The following DHRSX variants were observed in gnomAD, a reference collection of about 807,000 sequenced individuals.
DHRSX encodes the protein polyprenol dehydrogenase.
Under a neutral mutation model 34.0 loss-of-function variants are expected in DHRSX, and 31 were observed. The observed-to-expected ratio is 0.91, with a 90% CI of 0.69 to 1.23. The LOEUF is 1.23. Among genes scored for constraint, DHRSX ranks in the 50% most tolerant of loss-of-function variants. The probability of loss-of-function intolerance (pLI) is 0.00; values close to 1 mark genes in which losing one functional copy is unlikely to be tolerated. For synonymous variants in DHRSX, 201 were observed against 183.8 expected, an observed-to-expected ratio of 1.09 and a Z score of -0.76; for missense variants, 414 against 428.1, an observed-to-expected ratio of 0.97 and a Z score of 0.29.
chrX:2,313,790 C>T (rs2042192915), intron 3 of DHRSX, among the ~76,000 whole-genome samples: 1 of 152,070 alleles, frequency 6.6e-6, no homozygotes, highest in Non-Finnish European at 1.5e-5. Context: ...AGAACATGTA[C>T]CCCAGGTGGT....
chrX:2,453,492 C>T (rs1326602503), intron 1 of DHRSX, among the ~76,000 whole-genome samples: 1 of 151,484 alleles, frequency 6.6e-6, no homozygotes. Flanking sequence ...AGCAACATAG[C>T]AAGACACCAT....
At chrX:2,435,979 G>C (rs1388498630) in intron 1 of DHRSX, among the ~76,000 whole-genome samples, 2 of 152,146 alleles carry the variant, frequency 1.3e-5, no homozygotes, top group Non-Finnish European at 2.9e-5. Context: ...CGGATCACGA[G>C]GTCAGGAGTT....
At chrX:2,347,210 G>A (rs866289739) in intron 3 of DHRSX, among the ~76,000 whole-genome samples, 1 of 152,194 alleles carries the variant, frequency 6.6e-6, no homozygotes, top group Non-Finnish European at 1.5e-5. Flanking sequence ...ATGGTGGAAA[G>A]CAAAAGGTGA....
At chrX:2,225,498 A>T (rs2015637543) in intron 6 of DHRSX, among the ~76,000 whole-genome samples, 1 of 152,218 alleles carries the variant, frequency 6.6e-6, no homozygotes, top group African/African-American at 2.4e-5. Context: ...ACATGCACAG[A>T]TTATTTATCC....
At chrX:2,227,678 GA>G (rs1231075392) in intron 6 of DHRSX, among the ~76,000 whole-genome samples, 8 of 46,862 alleles carry the variant, frequency 1.7e-4, no homozygotes, top group Admixed American at 5.8e-4. Context: ...GAGACAGAAA[GA>G]AAAAAAAAGA....
intron 1 of DHRSX, among the ~76,000 whole-genome samples, chrX:2,482,888 T>C (rs1306087413): frequency 6.6e-6 from 1 of 152,096 alleles, no homozygotes; most frequent in Non-Finnish European, 1.5e-5. Context: ...CATCAAAACA[T>C]CTGCACCCAC....
In DHRSX at chrX:2,396,133, A is replaced by G. The variant is rs780632031; in HGVS notation, c.286+12612T>C. 5.9e-5 allele frequency among the ~76,000 whole-genome samples: 9 copies of G among 151,802 alleles called. No homozygotes were observed. In the East Asian group the frequency reaches 1.4e-3, roughly 23 times the overall value. On this transcript the variant is annotated intron_variant, in intron 3 of 6. Coordinates refer to ENST00000334651, the MANE Select transcript of DHRSX (RefSeq NM_145177.3). ...TCCAGTCTCTGCCTCTGTCTCCACA[A>G]GGCCTTCTCCTCTGTGTCTGTGTCT...
Position 2,306,463 on chromosome X carries a change from C to CTT in DHRSX, c.287-14862_287-14861dup, listed in dbSNP as rs537318296. 1.6e-3 allele frequency among the ~76,000 whole-genome samples: 223 copies of CTT among 140,016 alleles called. 4 individuals are homozygous for CTT. Among genetic ancestry groups the CTT allele is most frequent in the East Asian group, 7.7e-3 (37 of 4,792 alleles). The allele number at this position is 140,016 out of a possible 152,430, so 91.9% of individuals were successfully genotyped here. On this transcript the variant is annotated intron_variant, in intron 3 of 6. Coordinates refer to ENST00000334651, the MANE Select transcript of DHRSX (RefSeq NM_145177.3). ...CACAATTAAGATTGCGATCAATTATCTTTTTTTTTTTTTTTTGAGGCAGAG... is the reference window on the plus strand; with the variant it reads ...CACAATTAAGATTGCGATCAATTATCTTTTTTTTTTTTTTTTTTGAGGCAGAG...
At position 2,219,864 on chromosome X, in the gene DHRSX, A is replaced by C. The variant is rs2015486038; in HGVS notation, c.*1177T>G. The C allele has an allele frequency of 6.6e-6, 1 of 152,216 alleles. No homozygotes were observed. 9.4% of individuals were successfully genotyped at this position (152,216 alleles called of 1,614,324 possible). On this transcript the variant is annotated 3_prime_UTR_variant, in exon 7 of 7. Transcript: ENST00000334651. ...GTTGAAATTTGAAAACCCAACATCT[A>C]TCTCTCTAACACCAAAGGATTGAGC...
At chrX:2,243,623 A>C (rs1484444607) in intron 5 of DHRSX, among the ~76,000 whole-genome samples, 6 of 151,632 alleles carry the variant, frequency 4.0e-5, no homozygotes, top group Non-Finnish European at 8.8e-5. Context: ...AGTAGCTGGG[A>C]CTACAGGTGC....
intron 5 of DHRSX, among the ~76,000 whole-genome samples, chrX:2,244,698 T>C (rs1602786442): frequency 6.6e-6 from 1 of 151,136 alleles, no homozygotes; most frequent in South Asian, 2.1e-4. Context: ...TATATATATA[T>C]TTTTAAATTT....
intron 3 of DHRSX, among the ~76,000 whole-genome samples, chrX:2,321,275 C>A (rs1202058786): frequency 6.6e-6 from 1 of 152,148 alleles, no homozygotes; most frequent in African/African-American, 2.4e-5. Flanking sequence ...GGCTCCATTG[C>A]AGACAGGACA....
chrX:2,236,115 G>T (rs1013910934), intron 6 of DHRSX, among the ~76,000 whole-genome samples: 6 of 147,664 alleles, frequency 4.1e-5, no homozygotes, highest in Admixed American at 4.1e-4. Flanking sequence ...CCGTCTCAAA[G>T]AAAAAAAATA....
At chrX:2,369,059 T>C (rs1234352412) in intron 3 of DHRSX, among the ~76,000 whole-genome samples, 1 of 152,230 alleles carries the variant, frequency 6.6e-6, no homozygotes, top group East Asian at 1.9e-4. Flanking sequence ...GTCTCATTTC[T>C]ACCCTATAGA....
In DHRSX at chrX:2,412,969, G is replaced by T. The variant is rs549529095; in HGVS notation, c.218-4156C>A. Among the ~76,000 whole-genome samples, 4 of 152,298 alleles carry T rather than the reference G, an allele frequency of 2.6e-5. No individual in the cohort carries two copies. The South Asian group carries it at 8.3e-4, about 32-fold the overall frequency. On this transcript the variant is annotated intron_variant, in intron 2 of 6. Transcript: ENST00000334651. ...CCCAGCACTTTGGGAGGCCAAGGCA[G>T]GTGGATCACAAGGTCAAGAGATCGA...
At chrX:2,310,550 G>A (rs1277745581) in intron 3 of DHRSX, among the ~76,000 whole-genome samples, 1 of 150,912 alleles carries the variant, frequency 6.6e-6, no homozygotes, top group African/African-American at 2.5e-5. Flanking sequence ...GTATATGTGT[G>A]TGTGTGTGTG....
chrX:2,489,218 G>A (rs753387677), intron 1 of DHRSX: 2 of 1,613,844 alleles, frequency 1.2e-6, no homozygotes, highest in South Asian at 2.2e-5. Context: ...CAGGCCCTTG[G>A]CCTCTTCCAC....
chrX:2,273,383 G>C (rs191023605), intron 4 of DHRSX, among the ~76,000 whole-genome samples: 1 of 152,154 alleles, frequency 6.6e-6, no homozygotes, highest in Non-Finnish European at 1.5e-5. Context: ...GAGTGGAATC[G>C]TGTCATTGGC....
chrX:2,377,899 C>T (rs752867487), intron 3 of DHRSX, among the ~76,000 whole-genome samples: 70 of 152,186 alleles, frequency 4.6e-4, no homozygotes, highest in African/African-American at 6.0e-4. Flanking sequence ...CCACCACACC[C>T]GGCTAATTTT....
Sources: allele counts gnomAD v4.1 joint callset (sites outside exome capture counted in the v4.1 genomes callset), GRCh38; gene constraint gnomAD v4.1.1; transcripts MANE v1.5; gene names NCBI Gene and HGNC (gene_info 2026-07-23, HGNC 2026-07-21).